The following ARHGAP21 variants were observed in gnomAD, a reference collection of about 807,000 sequenced individuals.
The protein encoded by ARHGAP21 is Rho GTPase activating protein 21.
A neutral mutation model predicts 164.6 loss-of-function variants in ARHGAP21; 38 were observed. That is an observed-to-expected ratio of 0.23 (90% CI 0.18 to 0.30). The LOEUF (loss-of-function observed/expected upper bound fraction) is 0.30. ARHGAP21 is among the 10% of genes least tolerant of loss of function. The pLI is 1.00. For missense variants in ARHGAP21, 1,822 were observed against 2,370.7 expected, an observed-to-expected ratio of 0.77 and a Z score of 4.81; for synonymous variants, 766 against 857.9, an observed-to-expected ratio of 0.89 and a Z score of 1.87.
At chr10:24,645,641 TTACCTAAGTACAAAAA>T (rs1305176559) in intron 4 of ARHGAP21, among the ~76,000 whole-genome samples, 1 of 151,294 alleles carries the variant, frequency 6.6e-6, no homozygotes, top group Non-Finnish European at 1.5e-5. Context: ...TATAAAATAA[TTACCTAAGTACAAAAA>T]TAAAGGTACA....
chr10:24,705,354 A>C (rs997252427), intron 2 of ARHGAP21, among the ~76,000 whole-genome samples: 18 of 152,226 alleles, frequency 1.2e-4, no homozygotes, highest in African/African-American at 4.1e-4. Context: ...CACAGACTAG[A>C]AAGTGCATTG....
chr10:24,715,882 G>A (rs910145806), intron 2 of ARHGAP21, among the ~76,000 whole-genome samples: 2 of 152,054 alleles, frequency 1.3e-5, no homozygotes, highest in African/African-American at 4.8e-5. Flanking sequence ...GCTGGCACAC[G>A]CCTGTAATCC....
At chr10:24,719,574 G>C (rs1198149319) in intron 2 of ARHGAP21, among the ~76,000 whole-genome samples, 3 of 152,118 alleles carry the variant, frequency 2.0e-5, no homozygotes, top group Non-Finnish European at 4.4e-5. Context: ...AGACACACAT[G>C]CTCATCTCTT....
intron 7 of ARHGAP21, among the ~76,000 whole-genome samples, chr10:24,626,151 G>A (rs919139807): frequency 5.3e-5 from 8 of 152,128 alleles, no homozygotes; most frequent in African/African-American, 9.7e-5. Flanking sequence ...TATAAAAACC[G>A]ATTAACTTAA....
rs376603072 is a variant in ARHGAP21, at chr10:24,635,089, G to T, written c.283C>A (p.Arg95Ser). The change falls in exon 5 of 26, where the codon CGC (arginine) becomes AGC (serine). Residue 95 changes from arginine to serine, a missense_variant. Physicochemically the swap from Arg to Ser is moderately radical, Grantham distance 110 (BLOSUM62 -1). Around this residue, in one of 5 missense-constraint regions of ARHGAP21, gnomAD observed 1,090 missense variants for 1,378.9 expected, o/e 0.79. Transcript: ENST00000396432. ...AATATGGTATCCATTGGTTCCAAGCGGTTTCTTTGTTTTCCTGTTACAGAG... is the reference window on the plus strand; with the variant it reads ...AATATGGTATCCATTGGTTCCAAGCTGTTTCTTTGTTTTCCTGTTACAGAG... Reference protein sequence around the residue: ...NGNRGGKQRNRLEPMDTIFVK... With the variant: ...NGNRGGKQRNSLEPMDTIFVK... 3 of 1,587,880 alleles carry T rather than the reference G, an allele frequency of 1.9e-6. No homozygotes were observed. Among genetic ancestry groups the T allele is most frequent in the Non-Finnish European group, 1.7e-6 (2 of 1,169,964 alleles).
chr10:24,625,299 GAAAAAA>G (rs34935501), intron 7 of ARHGAP21, among the ~76,000 whole-genome samples: 2 of 53,798 alleles, frequency 3.7e-5, no homozygotes, highest in African/African-American at 1.5e-4. Flanking sequence ...ATGAAACAGA[GAAAAAA>G]AAAAAAAAAA....
chr10:24,587,866 T>G (rs1458600938), intron 25 of ARHGAP21, among the ~76,000 whole-genome samples: 58 of 152,300 alleles, frequency 3.8e-4, no homozygotes, highest in Admixed American at 2.3e-3. Flanking sequence ...TTAGAAGTAG[T>G]TAATCATGTC....
intron 2 of ARHGAP21, among the ~76,000 whole-genome samples, chr10:24,717,440 G>A (rs1368711437): frequency 6.6e-6 from 1 of 152,198 alleles, no homozygotes; most frequent in Non-Finnish European, 1.5e-5. Context: ...TCCTGAAAGT[G>A]CAGGGTGTTT....
At chr10:24,705,915 G>C (rs1844182232) in intron 2 of ARHGAP21, among the ~76,000 whole-genome samples, 1 of 152,084 alleles carries the variant, frequency 6.6e-6, no homozygotes. Flanking sequence ...GTTGATCGAG[G>C]GATAAAGGGA....
intron 2 of ARHGAP21, among the ~76,000 whole-genome samples, chr10:24,693,013 T>C (rs1468735881): frequency 6.6e-6 from 1 of 152,000 alleles, no homozygotes; most frequent in African/African-American, 2.4e-5. Context: ...GTGATAATAT[T>C]CACACGAAAG....
At chr10:24,619,439 T>C (rs1184117906) in intron 9 of ARHGAP21, 34 bp downstream of exon 9, 1 of 1,561,098 alleles carries the variant, frequency 6.4e-7, no homozygotes, top group Non-Finnish European at 8.7e-7. Flanking sequence ...CTTATACATT[T>C]GGCATATTAG....
Position 24,670,395 on chromosome 10 carries a change from G to C in ARHGAP21, c.66C>G (p.Val22=), listed in dbSNP as rs758421397. The change falls in exon 3 of 26, where the codon GTC becomes GTG. Residue 22 remains valine, a splice_region_variant and synonymous_variant. Transcript: ENST00000396432. ...GTTCTTTTCCATCTTTATTTTTTGAGACCTAAAGTGAAAAGATATTTAAAA... is the reference window on the plus strand; with the variant it reads ...GTTCTTTTCCATCTTTATTTTTTGACACCTAAAGTGAAAAGATATTTAAAA... ...GDGDKLKACE[V]SKNKDGKEQS... 12 of 1,578,002 alleles carry C rather than the reference G, an allele frequency of 7.6e-6. No homozygotes were observed. In the South Asian group the frequency reaches 8.3e-5, roughly 11 times the overall value.
intron 4 of ARHGAP21, chr10:24,648,890 G>A: frequency 2.0e-6 from 2 of 983,960 alleles, no homozygotes; most frequent in South Asian, 9.4e-5. Context: ...TAGTCAGTCA[G>A]AAGACAACCC....
chr10:24,715,690 A>C (rs1845306470), intron 2 of ARHGAP21, among the ~76,000 whole-genome samples: 1 of 152,216 alleles, frequency 6.6e-6, no homozygotes, highest in Admixed American at 6.5e-5. Flanking sequence ...CATATTTCAT[A>C]CTGTACATAT....
intron 6 of ARHGAP21, among the ~76,000 whole-genome samples, chr10:24,630,972 A>G (rs1176633504): frequency 2.6e-5 from 4 of 152,222 alleles, no homozygotes; most frequent in Non-Finnish European, 5.9e-5. Flanking sequence ...CTCAAAGTCT[A>G]ATTTTATTTT....
intron 12 of ARHGAP21, among the ~76,000 whole-genome samples, chr10:24,603,636 A>G (rs1382240874): frequency 6.6e-6 from 1 of 152,142 alleles, no homozygotes; most frequent in Non-Finnish European, 1.5e-5. Flanking sequence ...TTGGTTTTTA[A>G]TAGGATAATG....
chr10:24,704,289 CTTTTTTTTTTTTT>C (rs201080039), intron 2 of ARHGAP21, among the ~76,000 whole-genome samples: 1 of 125,978 alleles, frequency 7.9e-6, no homozygotes, highest in Non-Finnish European at 1.7e-5. Flanking sequence ...TTTTTCTTTT[CTTTTTTTTTTTTT>C]TTTTTTGAGA....
rs148946195 is a variant in ARHGAP21, at chr10:24,619,883, C to T, written c.2012G>A (p.Ser671Asn). 10 of 1,614,144 alleles carry T rather than the reference C, an allele frequency of 6.2e-6. No individual in the cohort carries two copies. The African/African-American group carries it at 9.3e-5, about 15-fold the overall frequency. The change falls in exon 9 of 26, where the codon AGT becomes AAT. Residue 671 changes from serine (S) to asparagine (N), a missense_variant. Around this residue, in one of 5 missense-constraint regions of ARHGAP21, gnomAD observed 1,090 missense variants for 1,378.9 expected, o/e 0.79. Coordinates refer to ENST00000396432, the MANE Select transcript of ARHGAP21 (RefSeq NM_020824.4). Reference protein sequence around the residue: ...LNQQTWVRTDSAPDQQVETGK... With the variant: ...LNQQTWVRTDNAPDQQVETGK... ...AGTCTCCACTTGCTGATCGGGGGCACTGTCAGTCCTTACCCATGTCTGCTG... is the reference window on the plus strand; with the variant it reads ...AGTCTCCACTTGCTGATCGGGGGCATTGTCAGTCCTTACCCATGTCTGCTG...
intron 4 of ARHGAP21, among the ~76,000 whole-genome samples, chr10:24,665,218 A>G (rs1275110411): frequency 2.0e-5 from 3 of 151,976 alleles, no homozygotes; most frequent in African/African-American, 4.8e-5. Flanking sequence ...TGCATGACAG[A>G]TGGTAATGCA....
Sources: gnomAD v4.1 joint callset for allele counts (sites outside exome capture counted in the v4.1 genomes callset) on GRCh38, gnomAD v4.1.1 for gene constraint, gnomAD v4.1.1 regional missense constraint, MANE v1.5 for transcripts, NCBI Gene and HGNC (gene_info 2026-07-23, HGNC 2026-07-21) for gene names.